HSDL2: variants seen among roughly 807,000 people sequenced by gnomAD.
HSDL2 encodes the protein hydroxysteroid dehydrogenase like 2.
A neutral mutation model predicts 46.3 loss-of-function variants in HSDL2; 27 were observed. That is an observed-to-expected ratio of 0.58 (90% CI 0.43 to 0.80). The LOEUF (loss-of-function observed/expected upper bound fraction) is 0.80, where lower values mean the gene tolerates loss of function less well. Among genes scored for constraint, HSDL2 ranks in the 30% least tolerant of loss-of-function variants. The probability of loss-of-function intolerance (pLI) is 0.00; values close to 1 mark genes in which losing one functional copy is unlikely to be tolerated. For missense variants in HSDL2, 451 were observed against 502.7 expected, an observed-to-expected ratio of 0.90 and a Z score of 0.98; for synonymous variants, 153 against 163.6, an observed-to-expected ratio of 0.94 and a Z score of 0.50.
intron 10 of HSDL2, among the ~76,000 whole-genome samples, chr9:112,467,031 T>C (rs1833412826): frequency 6.6e-6 from 1 of 152,210 alleles, no homozygotes; most frequent in African/African-American, 2.4e-5. Flanking sequence ...CAGTTAATTA[T>C]AGAATTACCA....
intron 1 of HSDL2, among the ~76,000 whole-genome samples, chr9:112,402,376 C>A (rs745796551): frequency 9.2e-5 from 14 of 151,808 alleles, no homozygotes; most frequent in Non-Finnish European, 2.1e-4. Flanking sequence ...GGGTAACATA[C>A]CAAGACCCTG....
intron 6 of HSDL2, among the ~76,000 whole-genome samples, chr9:112,433,018 A>G (rs1832443806): frequency 6.6e-6 from 1 of 151,568 alleles, no homozygotes; most frequent in African/African-American, 2.4e-5. Context: ...CAAGTGATCC[A>G]CCCACCTCAG....
intron 1 of HSDL2, among the ~76,000 whole-genome samples, chr9:112,394,866 A>C (rs1831424062): frequency 1.3e-5 from 2 of 152,218 alleles, no homozygotes; most frequent in South Asian, 4.1e-4. Context: ...AGCTCCAGGC[A>C]TATATACACT....
chr9:112,381,440 C>A (rs992275073), intron 1 of HSDL2, among the ~76,000 whole-genome samples: 5 of 152,174 alleles, frequency 3.3e-5, no homozygotes. Flanking sequence ...CGGCTCACTG[C>A]AGCCTCCGCC....
At chr9:112,394,818 C>G (rs1356672677) in intron 1 of HSDL2, among the ~76,000 whole-genome samples, 2 of 152,116 alleles carry the variant, frequency 1.3e-5, no homozygotes, top group Non-Finnish European at 2.9e-5. Context: ...AAATGCAGTG[C>G]CTTCTTCTCC....
At chr9:112,421,911 G>A (rs1197556438) in intron 6 of HSDL2, among the ~76,000 whole-genome samples, 2 of 152,168 alleles carry the variant, frequency 1.3e-5, no homozygotes, top group Non-Finnish European at 2.9e-5. Context: ...AACTTGAGAA[G>A]CTTGTGAAAG....
At chr9:112,398,910 G>A (rs1031862818) in intron 1 of HSDL2, among the ~76,000 whole-genome samples, 1 of 152,108 alleles carries the variant, frequency 6.6e-6, no homozygotes, top group Non-Finnish European at 1.5e-5. Context: ...GCAGAGATAA[G>A]CATAATGCTT....
At chr9:112,425,908 G>T (rs989048438) in intron 6 of HSDL2, among the ~76,000 whole-genome samples, 2 of 151,600 alleles carry the variant, frequency 1.3e-5, no homozygotes, top group East Asian at 1.9e-4. Flanking sequence ...TTCAGTTTTT[G>T]TGTGTATGTG....
intron 2 of HSDL2, among the ~76,000 whole-genome samples, 192 bp downstream of exon 2, chr9:112,404,350 T>C (rs1242950311): frequency 6.6e-6 from 1 of 152,140 alleles, no homozygotes; most frequent in Non-Finnish European, 1.5e-5. Context: ...TTTTAAGCAA[T>C]GTGAGAAACT....
At chr9:112,463,097 C>A (rs1488705449) in intron 10 of HSDL2, among the ~76,000 whole-genome samples, 1 of 152,078 alleles carries the variant, frequency 6.6e-6, no homozygotes, top group Non-Finnish European at 1.5e-5. Context: ...TATTCACTCA[C>A]CAGCTGATGG....
At chr9:112,456,647 T>C (rs1833035394) in intron 9 of HSDL2, among the ~76,000 whole-genome samples, 3 of 152,188 alleles carry the variant, frequency 2.0e-5, no homozygotes, top group African/African-American at 7.2e-5. Context: ...TCAATGACCA[T>C]AGGAACCGAC....
chr9:112,400,892 G>A (rs1347869540), intron 1 of HSDL2, among the ~76,000 whole-genome samples: 4 of 152,122 alleles, frequency 2.6e-5, no homozygotes, highest in African/African-American at 4.8e-5. Context: ...ACACCTGTCC[G>A]ATTGGAGTAA....
chr9:112,434,308 T>C (rs984884270), intron 6 of HSDL2, among the ~76,000 whole-genome samples: 1 of 152,166 alleles, frequency 6.6e-6, no homozygotes, highest in Non-Finnish European at 1.5e-5. Flanking sequence ...AGGAAGGCAG[T>C]AGAAGTACCA....
At chr9:112,383,773 T>G (rs10817331) in intron 1 of HSDL2, among the ~76,000 whole-genome samples, 93,771 of 152,140 alleles carry the variant, frequency 0.62, 29,140 homozygotes, top group East Asian at 0.65. Context: ...ACCATCATAG[T>G]TCACTGCAGC....
Position 112,380,108 on chromosome 9 carries a change from AG to A in HSDL2, c.-55del, listed in dbSNP as rs1194628683. On this transcript the variant is annotated 5_prime_UTR_variant, in exon 1 of 11. Transcript: ENST00000398805. ...AAATGCGGAGGGACGGTCCAGCTTT[AG>A]CTCTCTGCTCGCCGCCGCCGCTGTC... 8.1e-6 allele frequency: 12 copies of A among 1,473,940 alleles called. No homozygotes were observed. The highest frequency in any genetic ancestry group is 2.0e-5 in the Admixed American group (1 of 50,964). 91.3% of individuals were successfully genotyped at this position (1,473,940 alleles called of 1,614,324 possible). A position where few individuals can be genotyped will look rare whatever the true frequency, so the allele number is the denominator to read the frequency against.
Position 112,449,139 on chromosome 9 carries a change from C to T in HSDL2, c.866-4874C>T, listed in dbSNP as rs187514844. Among the ~76,000 whole-genome samples the T allele has an allele frequency of 3.3e-4, 49 of 147,988 alleles. No homozygotes were observed. In the East Asian group the frequency reaches 9.3e-3, roughly 28 times the overall value. On this transcript the variant is annotated intron_variant, in intron 8 of 10. Transcript: ENST00000398805. ...TCTCACTCTGTCTCCCAGGCTGGAG[C>T]GCAGTGGCACGATCTCGGCTCACTG...
intron 6 of HSDL2, among the ~76,000 whole-genome samples, chr9:112,428,738 A>G (rs777682603): frequency 1.3e-5 from 2 of 152,146 alleles, no homozygotes; most frequent in East Asian, 3.8e-4. Context: ...CTCTTTTTCA[A>G]CTTCTTTGCC....
intron 6 of HSDL2, among the ~76,000 whole-genome samples, chr9:112,431,942 C>T (rs751625745): frequency 3.3e-5 from 5 of 149,590 alleles, no homozygotes; most frequent in African/African-American, 9.9e-5. Flanking sequence ...TGCAGTGGTG[C>T]GATCTCAGCT....
chr9:112,390,704 C>T (rs10981381), intron 1 of HSDL2, among the ~76,000 whole-genome samples: 43,796 of 151,862 alleles, frequency 0.29, 6,583 homozygotes, highest in Admixed American at 0.38. Context: ...CCTCCCATCA[C>T]GGCCTCCCAA....
Sources: gnomAD v4.1 joint callset for allele counts (sites outside exome capture counted in the v4.1 genomes callset) on GRCh38, gnomAD v4.1.1 for gene constraint, MANE v1.5 for transcripts, NCBI Gene and HGNC (gene_info 2026-07-23, HGNC 2026-07-21) for gene names.